PCDH9: variants seen among roughly 807,000 people sequenced by gnomAD.
PCDH9 encodes the protein protocadherin-9.
PCDH9 carries 24 observed loss-of-function variants against 70.6 expected under a neutral mutation model. That is an observed-to-expected ratio of 0.34 (90% CI 0.25 to 0.48). The LOEUF is 0.48. Ranked by LOEUF, PCDH9 falls within the 20% of genes least tolerant of loss-of-function variation. The pLI is 0.99. For missense variants in PCDH9, 1,281 were observed against 1,503.6 expected (o/e 0.85, Z 2.45); for synonymous variants, 562 against 558.5 (o/e 1.01, Z -0.09).
chr13:66,860,631 C>G (rs145806352), intron 3 of PCDH9, among the ~76,000 whole-genome samples: 25 of 152,332 alleles, frequency 1.6e-4, no homozygotes, highest in African/African-American at 6.0e-4. Context: ...AAGAAGTGCT[C>G]TGGCAGCTTG....
At chr13:66,828,857 A>G (rs1433147895) in intron 3 of PCDH9, among the ~76,000 whole-genome samples, 1 of 151,316 alleles carries the variant, frequency 6.6e-6, no homozygotes, top group Non-Finnish European at 1.5e-5. Context: ...GGGATAAAAA[A>G]AGTTCATATT....
At chr13:66,442,711 C>T (rs750679347) in intron 4 of PCDH9, among the ~76,000 whole-genome samples, 1 of 151,402 alleles carries the variant, frequency 6.6e-6, no homozygotes, top group African/African-American at 2.4e-5. Flanking sequence ...TGAACTTTAG[C>T]GATAATATTA....
At chr13:66,620,300 T>G (rs564915198) in intron 4 of PCDH9, among the ~76,000 whole-genome samples, 1 of 152,326 alleles carries the variant, frequency 6.6e-6, no homozygotes, top group Admixed American at 6.5e-5. Flanking sequence ...CCCTTTAATT[T>G]TTATAAGAAT....
At chr13:66,972,762 T>C (rs1031035512) in intron 2 of PCDH9, among the ~76,000 whole-genome samples, 1 of 152,016 alleles carries the variant, frequency 6.6e-6, no homozygotes, top group South Asian at 2.1e-4. Flanking sequence ...ATTACATTGA[T>C]ACAGAAACTC....
chr13:67,111,071 T>C (rs2086650581), intron 2 of PCDH9, among the ~76,000 whole-genome samples: 1 of 152,228 alleles, frequency 6.6e-6, no homozygotes, highest in African/African-American at 2.4e-5. Flanking sequence ...CATGCCTCTT[T>C]CCTTACATGG....
intron 2 of PCDH9, among the ~76,000 whole-genome samples, chr13:67,021,224 C>T (rs2084667182): frequency 6.6e-6 from 1 of 152,108 alleles, no homozygotes; most frequent in African/African-American, 2.4e-5. Flanking sequence ...CAAGTACTAG[C>T]AAAGAAAGAA....
chr13:66,994,562 T>C (rs1427031288), intron 2 of PCDH9, among the ~76,000 whole-genome samples: 1 of 152,204 alleles, frequency 6.6e-6, no homozygotes, highest in Non-Finnish European at 1.5e-5. Flanking sequence ...TAAGAATTCT[T>C]TCATTCTAAA....
intron 4 of PCDH9, among the ~76,000 whole-genome samples, chr13:66,339,237 AC>A (rs200114352): frequency 0.063 from 9,562 of 152,120 alleles, 402 homozygotes; most frequent in Non-Finnish European, 0.096. Flanking sequence ...AACAACAACA[AC>A]AAAAAAACAG....
intron 4 of PCDH9, among the ~76,000 whole-genome samples, chr13:66,553,169 G>C (rs1031283285): frequency 6.6e-6 from 1 of 152,082 alleles, no homozygotes; most frequent in East Asian, 1.9e-4. Context: ...CAGTCAAAAA[G>C]AACATTCAAT....
At chr13:66,855,735 A>C (rs568316648) in intron 3 of PCDH9, among the ~76,000 whole-genome samples, 1 of 152,134 alleles carries the variant, frequency 6.6e-6, no homozygotes, top group East Asian at 1.9e-4. Flanking sequence ...TAAAGCTGGG[A>C]AGTCAAACCC....
chr13:66,411,377 C>G (rs1258710556), intron 4 of PCDH9, among the ~76,000 whole-genome samples: 1 of 152,192 alleles, frequency 6.6e-6, no homozygotes, highest in African/African-American at 2.4e-5. Context: ...GCCTCAGCCT[C>G]CTGGGCTCAA....
chr13:67,023,911 A>G (rs898028134), intron 2 of PCDH9, among the ~76,000 whole-genome samples: 1 of 152,182 alleles, frequency 6.6e-6, no homozygotes, highest in Non-Finnish European at 1.5e-5. Context: ...ATAACAGACC[A>G]AACTGTACAT....
At chr13:66,628,278 T>C (rs572716896) in intron 4 of PCDH9, among the ~76,000 whole-genome samples, 1 of 152,314 alleles carries the variant, frequency 6.6e-6, no homozygotes, top group East Asian at 1.9e-4. Context: ...TTCAGACTCT[T>C]AGACTGTGTT....
At chr13:66,990,436 A>T (rs1395412624) in intron 2 of PCDH9, among the ~76,000 whole-genome samples, 1 of 151,384 alleles carries the variant, frequency 6.6e-6, no homozygotes, top group East Asian at 1.9e-4. Context: ...ATACATATAC[A>T]TATACATATA....
At chr13:66,382,659 G>C (rs1233521062) in intron 4 of PCDH9, among the ~76,000 whole-genome samples, 1 of 152,186 alleles carries the variant, frequency 6.6e-6, no homozygotes, top group Non-Finnish European at 1.5e-5. Context: ...GACAGGTACA[G>C]TTTAATAGTG....
chr13:66,626,745 A>ATTT (rs3042063), intron 4 of PCDH9, among the ~76,000 whole-genome samples: 127,015 of 151,892 alleles, frequency 0.84, 54,198 homozygotes, highest in Admixed American at 0.91. Flanking sequence ...AGATTTACAT[A>ATTT]AACATTATTT....
At chr13:66,485,642 C>A (rs1958923805) in intron 4 of PCDH9, among the ~76,000 whole-genome samples, 1 of 152,052 alleles carries the variant, frequency 6.6e-6, no homozygotes, top group African/African-American at 2.4e-5. Context: ...TAGAAAGAGA[C>A]TTATGGCAAT....
At chr13:67,096,002 A>G (rs2086311505) in intron 2 of PCDH9, among the ~76,000 whole-genome samples, 1 of 152,218 alleles carries the variant, frequency 6.6e-6, no homozygotes, top group Non-Finnish European at 1.5e-5. Context: ...TATACACATT[A>G]TAGTAATAAA....
chr13:67,226,458 T>C lies in PCDH9; in HGVS notation c.1983A>G (p.Val661=). 1.2e-6 allele frequency: 2 copies of C among 1,614,100 alleles called. No individual in the cohort carries two copies. Among genetic ancestry groups the C allele is most frequent in the Non-Finnish European group, 1.7e-6 (2 of 1,179,930 alleles). The change falls in exon 2 of 5, where the codon GTA becomes GTG. Residue 661 remains valine (V), a synonymous_variant. Coordinates refer to ENST00000377865, the MANE Select transcript of PCDH9 (RefSeq NM_203487.3). This position sits in a 1 kb window ranked among gnomAD's most constrained non-coding sequence, Gnocchi z 5.0. ...GQPPRSSTAK[V]TINVMDVNDN... is the part of the protein sequence containing the mutation. ...CATTGACATCCATGACGTTGATAGT[T>C]ACTTTTGCAGTAGAGGAACGAGGTG...
Sources: allele counts gnomAD v4.1 joint callset (sites outside exome capture counted in the v4.1 genomes callset), GRCh38; gene constraint gnomAD v4.1.1; non-coding constraint Gnocchi (gnomAD v3.1); transcripts MANE v1.5; gene names NCBI Gene and HGNC (gene_info 2026-07-23, HGNC 2026-07-21).